Variants in ABCD2 observed in about 807,000 individuals in gnomAD.
ABCD2 encodes ATP binding cassette subfamily D member 2.
In ABCD2, 36 loss-of-function variants were observed where a neutral mutation model predicts 70.9. The ratio of observed to expected loss-of-function variants is 0.51; its 90% CI spans 0.39 to 0.67. The LOEUF is 0.67. Ranked by LOEUF, ABCD2 falls within the 30% of genes least tolerant of loss-of-function variation. The pLI is 0.00. For synonymous variants in ABCD2, 304 were observed against 306.9 expected, an observed-to-expected ratio of 0.99 and a Z score of 0.10; for missense variants, 729 against 890.2, an observed-to-expected ratio of 0.82 and a Z score of 2.30.
chr12:39,600,426 T>G (rs552470419), intron 6 of ABCD2, 145 bp downstream of exon 6: 1 of 766,850 alleles, frequency 1.3e-6, no homozygotes, highest in African/African-American at 1.8e-5. Context: ...AATAAAATAT[T>G]TTGGGCTAAG....
chr12:39,575,685 G>A (rs563444939), intron 8 of ABCD2, among the ~76,000 whole-genome samples: 1 of 152,308 alleles, frequency 6.6e-6, no homozygotes, highest in African/African-American at 2.4e-5. Flanking sequence ...ATTTGAGAAT[G>A]AGGGAAGGCA....
At chr12:39,564,566 C>T (rs988570319) in intron 9 of ABCD2, among the ~76,000 whole-genome samples, 15 of 152,046 alleles carry the variant, frequency 9.9e-5, no homozygotes, top group African/African-American at 3.6e-4. Context: ...AAATTTTCTC[C>T]CATTCTGTAG....
At chr12:39,595,571 T>C (rs925128761) in intron 6 of ABCD2, among the ~76,000 whole-genome samples, 50 of 152,362 alleles carry the variant, frequency 3.3e-4, no homozygotes, top group African/African-American at 1.1e-3. Context: ...ATGTTGCATT[T>C]AATTTTAAAA....
At chr12:39,617,346 G>A (rs534060851) in intron 1 of ABCD2, among the ~76,000 whole-genome samples, 178 bp from the exon 2 acceptor site, 47 of 151,878 alleles carry the variant, frequency 3.1e-4, no homozygotes, top group African/African-American at 1.1e-3. Flanking sequence ...ATGCTACTCA[G>A]TGGACATAAT....
At chr12:39,548,267 A>G (rs1941045557), downstream of ABCD2, among the ~76,000 whole-genome samples, 1 of 152,040 alleles carries the variant, frequency 6.6e-6, no homozygotes, top group Non-Finnish European at 1.5e-5. Context: ...GCGAGACTAA[A>G]CTATGATGTT....
At chr12:39,555,760 C>T (rs972500428) in intron 9 of ABCD2, among the ~76,000 whole-genome samples, 3 of 152,176 alleles carry the variant, frequency 2.0e-5, no homozygotes, top group Admixed American at 2.0e-4. Context: ...AGACAGAAAC[C>T]TGTTGTCCCT....
At chr12:39,539,724 A>G in the ABCD2 span, 10 of 153,960 alleles carry the variant, frequency 6.5e-5, no homozygotes, top group East Asian at 7.7e-4. Flanking sequence ...GCAGTGCCTT[A>G]TAAGAGATCA....
chr12:39,586,233 G>A lies in ABCD2; in HGVS notation c.1711C>T (p.His571Tyr). The change falls in exon 7 of 10, where the codon CAT becomes TAT. Residue 571 changes from histidine to tyrosine, a missense_variant. Physicochemically the swap from His to Tyr is moderately conservative, Grantham distance 83. Transcript: ENST00000308666. ...VIYPDSVDDMHDKGYTDQDLE... is the reference protein window; with the variant it reads ...VIYPDSVDDMYDKGYTDQDLE... ...TCTTGGTCTGTATAACCTTTATCAT[G>A]CATATCATCCACTGAATCAGGGTAA... The A allele has an allele frequency of 6.2e-7, 1 of 1,613,444 alleles. No individual in the cohort carries two copies. Among genetic ancestry groups the A allele is most frequent in the Non-Finnish European group, 8.5e-7 (1 of 1,179,566 alleles).
In ABCD2 at chr12:39,569,613, G is replaced by T. The variant is rs182216251; in HGVS notation, c.2003+4103C>A. Among the ~76,000 whole-genome samples the T allele has an allele frequency of 1.4e-4, 21 of 152,188 alleles. No individual in the cohort carries two copies. The East Asian group carries it at 4.1e-3, about 29-fold the overall frequency. ...CCTCGCCCTGCTTCGCCTCACGCTC[G>T]GTGGTCTGCACCCACTGTCCTGCAC... On this transcript the variant is annotated intron_variant, in intron 9 of 9. Transcript: ENST00000308666.
chr12:39,582,492 A>G (rs989025678), intron 7 of ABCD2, among the ~76,000 whole-genome samples: 3 of 152,220 alleles, frequency 2.0e-5, no homozygotes, highest in African/African-American at 7.2e-5. Flanking sequence ...AGAGTTCTAG[A>G]CCTTCCTGAT....
rs563980733 is a variant in ABCD2, at chr12:39,565,183, G to C, written c.2003+8533C>G. Among the ~76,000 whole-genome samples, 3 of 152,304 alleles carry C rather than the reference G, an allele frequency of 2.0e-5. No individual in the cohort carries two copies. The South Asian group carries it at 6.2e-4, about 32-fold the overall frequency. On this transcript the variant is annotated intron_variant, in intron 9 of 9. Transcript: ENST00000308666. ...CTGTGAAGAAAGTCATTGGTAGCTT[G>C]ATGGGGATGGCATTGAATCTATAAA...
At chr12:39,575,766 T>C (rs905871037) in intron 8 of ABCD2, among the ~76,000 whole-genome samples, 7 of 152,240 alleles carry the variant, frequency 4.6e-5, no homozygotes, top group Non-Finnish European at 1.0e-4. Flanking sequence ...TGTCAAAAGA[T>C]TGTGCTTTTC....
intron 8 of ABCD2, among the ~76,000 whole-genome samples, chr12:39,578,142 G>A (rs1030937104): frequency 2.0e-5 from 3 of 152,170 alleles, no homozygotes; most frequent in African/African-American, 7.2e-5. Context: ...ATGAATTCAT[G>A]TACATAACTA....
intron 9 of ABCD2, among the ~76,000 whole-genome samples, chr12:39,571,182 A>T (rs1480793653): frequency 6.6e-6 from 1 of 152,304 alleles, no homozygotes; most frequent in Non-Finnish European, 1.5e-5. Context: ...AAATGTTAAA[A>T]ATAGAACTAC....
intron 7 of ABCD2, among the ~76,000 whole-genome samples, chr12:39,581,973 A>C (rs907169309): frequency 3.3e-5 from 5 of 152,138 alleles, no homozygotes; most frequent in African/African-American, 1.2e-4. Flanking sequence ...TTTGTAACCT[A>C]GTTGATGGAA....
intron 9 of ABCD2, among the ~76,000 whole-genome samples, chr12:39,565,262 C>A (rs1941326907): frequency 6.6e-6 from 1 of 152,148 alleles, no homozygotes; most frequent in Admixed American, 6.5e-5. Flanking sequence ...TACCCATGAG[C>A]ATGGAATGTT....
At chr12:39,538,680 G>C in the ABCD2 span, among the ~76,000 whole-genome samples, 1 of 152,086 alleles carries the variant, frequency 6.6e-6, no homozygotes, top group Non-Finnish European at 1.5e-5. Flanking sequence ...GGGCCTGAAA[G>C]CTTGAAGGGA....
At chr12:39,607,943 G>A (rs536483571) in intron 2 of ABCD2, among the ~76,000 whole-genome samples, 9 of 152,100 alleles carry the variant, frequency 5.9e-5, no homozygotes, top group Non-Finnish European at 1.2e-4. Flanking sequence ...CTGGGTGGGC[G>A]GATCACTTGA....
At chr12:39,615,873 C>T (rs1942108349) in intron 2 of ABCD2, among the ~76,000 whole-genome samples, 1 of 151,998 alleles carries the variant, frequency 6.6e-6, no homozygotes, top group South Asian at 2.1e-4. Flanking sequence ...TAACAATATT[C>T]TTAGTTTTCT....
Sources: gnomAD v4.1 joint callset for allele counts (sites outside exome capture counted in the v4.1 genomes callset) on GRCh38, gnomAD v4.1.1 for gene constraint, MANE v1.5 for transcripts, NCBI Gene and HGNC (gene_info 2026-07-23, HGNC 2026-07-21) for gene names.